The following UBN2 variants were observed in gnomAD, a reference collection of about 807,000 sequenced individuals.
The protein encoded by UBN2 is ubinuclein-2.
In UBN2, 35 loss-of-function variants were observed where a neutral mutation model predicts 120.2. The observed-to-expected ratio is 0.29, with a 90% CI of 0.22 to 0.39. UBN2 has a LOEUF of 0.39. UBN2 is among the 10% of genes least tolerant of loss of function. UBN2 has a pLI of 1.00. For missense variants in UBN2, 1,693 were observed against 1,663.2 expected, an observed-to-expected ratio of 1.02 and a Z score of -0.31; for synonymous variants, 661 against 648.7, an observed-to-expected ratio of 1.02 and a Z score of -0.29.
At chr7:139,323,616 T>G in the UBN2 span, among the ~76,000 whole-genome samples, 1 of 149,778 alleles carries the variant, frequency 6.7e-6, no homozygotes, top group Non-Finnish European at 1.5e-5. Flanking sequence ...TGAGACGGAG[T>G]CTCACTCTTA....
intron 15 of UBN2, among the ~76,000 whole-genome samples, chr7:139,291,596 A>G (rs1324235207): frequency 6.6e-6 from 1 of 152,104 alleles, no homozygotes; most frequent in Non-Finnish European, 1.5e-5. Context: ...TATGCCTATA[A>G]TCTCAGTGCT....
intron 6 of UBN2, among the ~76,000 whole-genome samples, chr7:139,264,523 A>T (rs1031084313): frequency 6.6e-6 from 1 of 152,182 alleles, no homozygotes. Flanking sequence ...TGCAACTTCA[A>T]TGTGGGGGTT....
intron 15 of UBN2, among the ~76,000 whole-genome samples, chr7:139,289,156 T>C (rs1797872248): frequency 6.6e-6 from 1 of 152,186 alleles, no homozygotes; most frequent in African/African-American, 2.4e-5. Context: ...GCTGACTTCT[T>C]GTGCATGATC....
intron 15 of UBN2, among the ~76,000 whole-genome samples, chr7:139,288,496 G>C (rs1797853082): frequency 6.6e-6 from 1 of 152,168 alleles, no homozygotes; most frequent in Non-Finnish European, 1.5e-5. Context: ...AGTGGTAGGT[G>C]ATGAGATCAG....
intron 2 of UBN2, among the ~76,000 whole-genome samples, chr7:139,239,416 T>G (rs2130932630): frequency 6.6e-6 from 1 of 152,300 alleles, no homozygotes; most frequent in East Asian, 1.9e-4. Flanking sequence ...AATGGCATTT[T>G]ACACAATTTC....
At chr7:139,317,570 T>C in the UBN2 span, among the ~76,000 whole-genome samples, 1 of 152,310 alleles carries the variant, frequency 6.6e-6, no homozygotes, top group South Asian at 2.1e-4. Context: ...TCTTTGGTAT[T>C]TTCCATCTCC....
In UBN2 at chr7:139,284,245, C is replaced by G. The variant is rs753042178; in HGVS notation, c.3340C>G (p.Pro1114Ala). 5 of 1,614,182 alleles carry G rather than the reference C, an allele frequency of 3.1e-6. No homozygotes were observed. In the South Asian group the frequency reaches 5.5e-5, roughly 18 times the overall value. Residue 1114 changes from proline to alanine, a missense_variant, in exon 15 of 18, where the codon CCC becomes GCC. By Grantham distance (27) the Pro-to-Ala change is conservative. Around this residue, in one of 5 missense-constraint regions of UBN2, gnomAD observed 837 missense variants for 817.6 expected, o/e 1.02. Transcript: ENST00000473989. The stretch of plus-strand genomic sequence containing the variant: ...CACTAACAGCCCAGTCCATAAACAG[C>G]CCAGTGGAATGAACATCAGCAGACA... ...SSTNSPVHKQ[P>A]SGMNISRQSP...
chr7:139,303,894 T>C lies in UBN2; in HGVS notation c.*6058T>C, dbSNP rs757685052. 6.6e-6 allele frequency: 1 copy of C among 152,172 alleles called. No homozygotes were observed. Among genetic ancestry groups the C allele is most frequent in the Non-Finnish European group, 1.5e-5 (1 of 68,040 alleles). 9.4% of individuals were successfully genotyped at this position (152,172 alleles called of 1,614,324 possible). A position where few individuals can be genotyped will look rare whatever the true frequency, so the allele number is the denominator to read the frequency against. On this transcript the variant is annotated 3_prime_UTR_variant, in exon 18 of 18. Transcript: ENST00000473989. ...AAGTTTAAGTAGTTTTTTTTAGCCT[T>C]TTACGGTGTTACTGTGATTTTTCGT...
chr7:139,255,654 A>C (rs1796742791), intron 3 of UBN2, among the ~76,000 whole-genome samples: 1 of 152,170 alleles, frequency 6.6e-6, no homozygotes, highest in African/African-American at 2.4e-5. Context: ...GAGATAATTC[A>C]GACATAAAAC....
intron 2 of UBN2, among the ~76,000 whole-genome samples, chr7:139,243,029 A>G (rs76983686): frequency 2.2e-4 from 33 of 152,328 alleles, no homozygotes; most frequent in African/African-American, 5.3e-4. Context: ...GAGGTTATCA[A>G]TGAATGTTGG....
chr7:139,305,912 C>G lies in UBN2; in HGVS notation c.*8076C>G, dbSNP rs1164962971. ...ATAGTCTGCCTTGCTTATTTTCATA[C>G]TCCCCCTGAAATAAGCCTACTTTTG... On this transcript the variant is annotated 3_prime_UTR_variant, in exon 18 of 18. Transcript: ENST00000473989. The G allele has an allele frequency of 6.6e-6, 1 of 152,142 alleles. No individual in the cohort carries two copies. The highest frequency in any genetic ancestry group is 1.5e-5 in the Non-Finnish European group (1 of 68,016). The allele number at this position is 152,142 out of a possible 1,614,324, so 9.4% of individuals were successfully genotyped here.
chr7:139,308,518 T>C (rs930429781), downstream of UBN2, among the ~76,000 whole-genome samples: 43 of 152,170 alleles, frequency 2.8e-4, no homozygotes, highest in African/African-American at 1.0e-3. Flanking sequence ...ACTGGAGTAA[T>C]GTGGGAAGAC....
intron 6 of UBN2, among the ~76,000 whole-genome samples, chr7:139,261,948 C>CTT (rs72000087): frequency 1.7e-4 from 22 of 131,958 alleles, no homozygotes; most frequent in Middle Eastern, 3.8e-3. Context: ...TTCTTTCTTT[C>CTT]TTTTTTTTTT....
At chr7:139,249,686 TA>T (rs1271925743) in intron 2 of UBN2, among the ~76,000 whole-genome samples, 1 of 152,156 alleles carries the variant, frequency 6.6e-6, no homozygotes, top group East Asian at 1.9e-4. Context: ...TCTTTTGCAC[TA>T]ATTGTTTTCT....
chr7:139,294,868 G>A (rs1001563536), intron 17 of UBN2, among the ~76,000 whole-genome samples: 15 of 152,124 alleles, frequency 9.9e-5, no homozygotes, highest in African/African-American at 3.6e-4. Context: ...GATCCAAGCT[G>A]TATGCATTAT....
chr7:139,271,666 A>G (rs1797279197), intron 8 of UBN2, among the ~76,000 whole-genome samples: 1 of 152,222 alleles, frequency 6.6e-6, no homozygotes, highest in Non-Finnish European at 1.5e-5. Context: ...GTATGTTTTA[A>G]GTAGTTACAT....
At chr7:139,289,066 TC>T (rs1172097916) in intron 15 of UBN2, among the ~76,000 whole-genome samples, 2 of 152,058 alleles carry the variant, frequency 1.3e-5, no homozygotes, top group East Asian at 3.9e-4. Context: ...CAATGTTTTT[TC>T]CCCTGGGAAT....
At position 139,231,639 on chromosome 7, in the gene UBN2, C is replaced by A; in HGVS notation, c.155C>A (p.Pro52Gln). 1 of 1,227,536 alleles carries A rather than the reference C, an allele frequency of 8.1e-7. No homozygotes were observed. The highest frequency in any genetic ancestry group is 3.4e-5 in the East Asian group (1 of 29,302). The allele number at this position is 1,227,536 out of a possible 1,614,324, so 76.0% of individuals were successfully genotyped here. A position where few individuals can be genotyped will look rare whatever the true frequency, so the allele number is the denominator to read the frequency against. The change falls in exon 1 of 18, where the codon CCG (proline) becomes CAG (glutamine). Residue 52 changes from proline to glutamine, a missense_variant. Coordinates refer to ENST00000473989, the MANE Select transcript of UBN2 (RefSeq NM_173569.4). Reference protein sequence around the residue: ...PYREPARAEPPAPREPAPRSD... With the variant: ...PYREPARAEPQAPREPAPRSD... Reference sequence around the variant, plus strand: ...CGCGAGCCGGCCCGGGCGGAGCCGCCGGCCCCGCGGGAGCCTGCCCCCCGC... The same window carrying A: ...CGCGAGCCGGCCCGGGCGGAGCCGCAGGCCCCGCGGGAGCCTGCCCCCCGC...
At chr7:139,294,007 T>C in intron 17 of UBN2, 26 bp downstream of exon 17, 1 of 1,596,236 alleles carries the variant, frequency 6.3e-7, no homozygotes, top group Admixed American at 1.7e-5. Context: ...CCTTCATCTC[T>C]TTCTTATTTG....
Sources: allele counts gnomAD v4.1 joint callset (sites outside exome capture counted in the v4.1 genomes callset), GRCh38; gene constraint gnomAD v4.1.1; regional missense constraint gnomAD v4.1.1; transcripts MANE v1.5; gene names NCBI Gene and HGNC (gene_info 2026-07-23, HGNC 2026-07-21).